RBMX: variants seen among roughly 807,000 people sequenced by gnomAD.
RBMX encodes RNA-binding motif protein, X chromosome.
A neutral mutation model predicts 29.3 loss-of-function variants in RBMX; 1 was observed. The ratio of observed to expected loss-of-function variants is 0.03; its 90% confidence interval spans 0.01 to 0.16. The LOEUF (loss-of-function observed/expected upper bound fraction) is 0.16. Among genes scored for constraint, RBMX ranks in the 10% least tolerant of loss-of-function variants. The pLI, the probability that RBMX is intolerant of heterozygous loss-of-function variation, is 1.00. For synonymous variants in RBMX, 102 were observed against 102.3 expected (o/e 1.00, Z 0.02); for missense variants, 121 against 333.2 (o/e 0.36, Z 4.96).
intron 4 of RBMX, among the ~76,000 whole-genome samples, chrX:136,877,110 G>C (rs1042475216): frequency 9.2e-6 from 1 of 109,215 alleles, no homozygotes; most frequent in African/African-American, 3.3e-5. Context: ...AGGCCAAGGC[G>C]GGCGGATCAC....
At position 136,878,163 on chromosome X, in the gene RBMX, C is replaced by A. The variant is rs1288978205; in HGVS notation, c.217-77G>T. On this transcript the variant is annotated intron_variant, in intron 3 of 8. Coordinates refer to ENST00000320676, the MANE Select transcript of RBMX (RefSeq NM_002139.4). ...CATCTACTATGCACTAAGACACTAA[C>A]TGGTCCTTCAAAATGCAGTTATGGG... The A allele has an allele frequency of 4.5e-6, 4 of 888,009 alleles. No individual in the cohort carries two copies. The Admixed American group carries it at 1.5e-4, about 33-fold the overall frequency. 73.2% of individuals were successfully genotyped at this position (888,009 alleles called of 1,213,427 possible).
chrX:136,870,281 C>G (rs913789267), downstream of RBMX: 6 of 112,563 alleles, frequency 5.3e-5, no homozygotes, highest in African/African-American at 1.9e-4. Flanking sequence ...GAGTGTTAAT[C>G]AACACTGATG....
chrX:136,876,328 T>C (rs1160698001), intron 5 of RBMX, among the ~76,000 whole-genome samples, 175 bp downstream of exon 5: 3 of 109,822 alleles, frequency 2.7e-5, no homozygotes, highest in Non-Finnish European at 5.7e-5. Context: ...TTCACCACAT[T>C]GGCCAGGATG....
At chrX:136,872,193 G>A, downstream of RBMX, 1 of 813,307 alleles carries the variant, frequency 1.2e-6, no homozygotes, top group Non-Finnish European at 1.8e-6. Flanking sequence ...ACAATAACTT[G>A]CCAATGTCAC....
rs373171432 is a variant in RBMX, at chrX:136,875,615, T to A, written c.542-30A>T. On this transcript the variant is annotated intron_variant, in intron 5 of 8. Transcript: ENST00000320676. The stretch of plus-strand genomic sequence containing the variant: ...AGGAAAAATATCATTTTTTTAAACA[T>A]AGCCAGAGAAAAAAGTTAAAACGTG... 5.0e-5 allele frequency: 59 copies of A among 1,187,731 alleles called. 1 individual carries two copies. Among genetic ancestry groups the A allele is most frequent in the East Asian group, 4.5e-4 (15 of 33,584 alleles).
At chrX:136,877,109 C>G (rs1013610322) in intron 4 of RBMX, among the ~76,000 whole-genome samples, 1 of 109,099 alleles carries the variant, frequency 9.2e-6, no homozygotes, top group Non-Finnish European at 1.9e-5. Context: ...GAGGCCAAGG[C>G]GGGCGGATCA....
downstream of RBMX, chrX:136,872,348 G>A: frequency 8.6e-7 from 1 of 1,162,184 alleles, no homozygotes. Context: ...TCACCAACCT[G>A]CAAAAGTTAA....
At chrX:136,869,630 T>G (rs1019192630), downstream of RBMX, 1 of 111,480 alleles carries the variant, frequency 9.0e-6, no homozygotes, top group Non-Finnish European at 1.9e-5. Flanking sequence ...GGTCTGTGAT[T>G]AGTAGTAGGT....
At chrX:136,878,146 A>C (rs2077754399) in intron 3 of RBMX, 60 bp from the exon 4 acceptor site, 35 of 989,100 alleles carry the variant, frequency 3.5e-5, no homozygotes, top group Non-Finnish European at 4.5e-5. Flanking sequence ...CACATCTACT[A>C]TGCACTAAGA....
Position 136,877,257 on chromosome X carries a change from G to T in RBMX, c.389-602C>A, listed in dbSNP as rs190222843. Reference sequence around the variant, plus strand: ...TGAGGCAGGACAATCGCCTGAACCTGGAAGGCAGAGGTTGTGGTGAGCCAA... The same window carrying T: ...TGAGGCAGGACAATCGCCTGAACCTTGAAGGCAGAGGTTGTGGTGAGCCAA... On this transcript the variant is annotated intron_variant, in intron 4 of 8. Coordinates refer to ENST00000320676, the MANE Select transcript of RBMX (RefSeq NM_002139.4). Among the ~76,000 whole-genome samples, 82 of 102,730 alleles carry T rather than the reference G, an allele frequency of 8.0e-4. No homozygotes were observed. The East Asian group carries it at 0.016, about 20-fold the overall frequency. 89.2% of individuals were successfully genotyped at this position (102,730 alleles called of 115,157 possible).
Position 136,877,991 on chromosome X carries a change from G to A in RBMX, c.312C>T (p.Gly104=). ...RGPPPPPRSR[G]PPRGLRGGRG... ...TTCCACCTCTAAGACCTCTTGGAGG[G>A]CCTCTACTTCTTGGAGGTGGAGGCG... The change falls in exon 4 of 9, where the codon GGC becomes GGT. Residue 104 remains glycine, a synonymous_variant. Transcript: ENST00000320676. The A allele has an allele frequency of 3.3e-6, 4 of 1,209,542 alleles. No individual in the cohort carries two copies. The highest frequency in any genetic ancestry group is 4.5e-6 in the Non-Finnish European group (4 of 894,122).
At position 136,875,386 on chromosome X, in the gene RBMX, ACAAAG is replaced by A. The variant is rs2077716273; in HGVS notation, c.657-8_657-4del. On this transcript the variant is annotated splice_region_variant and splice_polypyrimidine_tract_variant and intron_variant, in intron 6 of 8. Coordinates refer to ENST00000320676, the MANE Select transcript of RBMX (RefSeq NM_002139.4). ...TTGGGTAATCTCTGCTTGAATAGCTACAAAGCAAAAGTTTTGGTTTATGCTTTTGA... is the reference window on the plus strand; with the variant it reads ...TTGGGTAATCTCTGCTTGAATAGCTACAAAAGTTTTGGTTTATGCTTTTGA... 3 of 1,205,911 alleles carry A rather than the reference ACAAAG, an allele frequency of 2.5e-6. No individual in the cohort carries two copies. In the African/African-American group the frequency reaches 5.3e-5, roughly 21 times the overall value.
chrX:136,870,867 G>A (rs991465361), downstream of RBMX, among the ~76,000 whole-genome samples: 2 of 108,959 alleles, frequency 1.8e-5, no homozygotes, highest in Admixed American at 2.0e-4. Context: ...AGCACATTGG[G>A]AGGTCGAGGC....
At chrX:136,879,660 A>T (rs988288660) in intron 1 of RBMX, among the ~76,000 whole-genome samples, 1 of 112,185 alleles carries the variant, frequency 8.9e-6, no homozygotes, top group Non-Finnish European at 1.9e-5. Context: ...AAAACTGGTT[A>T]AAAGGGCCAA....
downstream of RBMX, among the ~76,000 whole-genome samples, chrX:136,871,488 G>A (rs1017226510): frequency 2.8e-5 from 3 of 108,502 alleles, no homozygotes; most frequent in Non-Finnish European, 3.8e-5. Context: ...ATACTATGTC[G>A]TCATTATGTC....
At chrX:136,872,120 C>T (rs1335229263), downstream of RBMX, 1 of 465,391 alleles carries the variant, frequency 2.1e-6, no homozygotes, top group Non-Finnish European at 3.7e-6. Flanking sequence ...AGGCACTACA[C>T]ATTAAAGCAC....
intron 5 of RBMX, 84 bp downstream of exon 5, chrX:136,876,419 G>T (rs1357149568): frequency 9.6e-7 from 1 of 1,039,091 alleles, no homozygotes; most frequent in East Asian, 3.3e-5. Flanking sequence ...ACCACGCCTG[G>T]CCAATTAAAA....
downstream of RBMX, chrX:136,872,253 G>A: frequency 8.9e-7 from 1 of 1,122,025 alleles, no homozygotes; most frequent in South Asian, 2.0e-5. Flanking sequence ...AAAGGCCATT[G>A]CTTTCAACAC....
At position 136,873,707 on chromosome X, in the gene RBMX, G is replaced by T; in HGVS notation, c.*435C>A. 1 of 763,286 alleles carries T rather than the reference G, an allele frequency of 1.3e-6. No individual in the cohort carries two copies. The highest frequency in any genetic ancestry group is 1.6e-6 in the Non-Finnish European group (1 of 644,325). The allele number at this position is 763,286 out of a possible 1,213,427, so 62.9% of individuals were successfully genotyped here. Reference sequence around the variant, plus strand: ...TGAGATTTCAGTTGGAAGACACCCTGAAATCTTATGAGTAGCATACCCCAA... The same window carrying T: ...TGAGATTTCAGTTGGAAGACACCCTTAAATCTTATGAGTAGCATACCCCAA... On this transcript the variant is annotated 3_prime_UTR_variant, in exon 9 of 9. Transcript: ENST00000320676.
Sources: allele counts gnomAD v4.1 joint callset (sites outside exome capture counted in the v4.1 genomes callset), GRCh38; gene constraint gnomAD v4.1.1; transcripts MANE v1.5; gene names NCBI Gene and HGNC (gene_info 2026-07-23, HGNC 2026-07-21).